The following SIMC1 variants were observed in gnomAD, a reference collection of about 807,000 sequenced individuals.
SIMC1 encodes the protein SUMO-interacting motif-containing protein 1.
SIMC1 carries 55 observed loss-of-function variants against 82.3 expected under a neutral mutation model. The observed-to-expected ratio is 0.67, with a 90% CI of 0.54 to 0.84. The LOEUF is 0.84. Among genes scored for constraint, SIMC1 ranks in the 40% least tolerant of loss-of-function variants. The pLI, the probability that SIMC1 is intolerant of heterozygous loss-of-function variation, is 0.00. For missense variants in SIMC1, 915 were observed against 1,107.2 expected, an observed-to-expected ratio of 0.83 and a Z score of 2.46; for synonymous variants, 353 against 426.3, an observed-to-expected ratio of 0.83 and a Z score of 2.12.
chr5:176,278,997 A>G (rs140351658), intron 1 of SIMC1, among the ~76,000 whole-genome samples: 18,211 of 152,150 alleles, frequency 0.12, 1,136 homozygotes, highest in Admixed American at 0.15. Flanking sequence ...CTCTTTTTCT[A>G]TTGATTGGAA....
intron 1 of SIMC1, among the ~76,000 whole-genome samples, chr5:176,263,964 A>G (rs1265935431): frequency 2.6e-5 from 4 of 152,262 alleles, no homozygotes; most frequent in Admixed American, 6.5e-5. Context: ...AATGGCCAAA[A>G]GAAAGCGGTA....
intron 9 of SIMC1, among the ~76,000 whole-genome samples, chr5:176,341,008 G>A (rs951973103): frequency 5.9e-5 from 9 of 152,264 alleles, no homozygotes; most frequent in Middle Eastern, 3.4e-3. Flanking sequence ...TTAGCCAGGC[G>A]TGGTGGTGGG....
At chr5:176,328,441 G>T (rs1187562303) in intron 7 of SIMC1, among the ~76,000 whole-genome samples, 1 of 151,796 alleles carries the variant, frequency 6.6e-6, no homozygotes, top group African/African-American at 2.4e-5. Flanking sequence ...TGGCAGTGGT[G>T]GTGGTGGTGG....
chr5:176,339,357 C>G (rs983232274), intron 9 of SIMC1, among the ~76,000 whole-genome samples: 1 of 152,024 alleles, frequency 6.6e-6, no homozygotes, highest in African/African-American at 2.4e-5. Context: ...GAGTGAGACT[C>G]TGTCTCAAAA....
rs865979924 is a variant in SIMC1 at position 176,244,719 on chromosome 5, C to T, written c.129+6082C>T. Among the ~76,000 whole-genome samples the T allele has an allele frequency of 2.3e-3, 260 of 114,404 alleles. 1 individual carries two copies. Among genetic ancestry groups the T allele is most frequent in the African/African-American group, 7.2e-3 (220 of 30,566 alleles). 75.1% of individuals were successfully genotyped at this position (114,404 alleles called of 152,430 possible). A position where few individuals can be genotyped will look rare whatever the true frequency, so the allele number is the denominator to read the frequency against. On this transcript the variant is annotated intron_variant, in intron 1 of 9. Transcript: ENST00000429602. The stretch of plus-strand genomic sequence containing the variant: ...GTTATAATGTTTCTTTTTTTTTTTC[C>T]TTTTTTTTTTTTTTTTTTTGAGAGG...
At chr5:176,301,182 A>T (rs1236312657) in intron 4 of SIMC1, among the ~76,000 whole-genome samples, 1 of 152,128 alleles carries the variant, frequency 6.6e-6, no homozygotes, top group Non-Finnish European at 1.5e-5. Flanking sequence ...GTGTTATGGG[A>T]GGGACCTGGT....
At chr5:176,245,628 G>C (rs1041892214) in intron 1 of SIMC1, among the ~76,000 whole-genome samples, 2 of 151,692 alleles carry the variant, frequency 1.3e-5, no homozygotes, top group African/African-American at 2.4e-5. Flanking sequence ...TGATTTCTTA[G>C]TTGTCATGCT....
At chr5:176,334,901 G>T (rs556510850) in intron 7 of SIMC1, among the ~76,000 whole-genome samples, 1 of 152,110 alleles carries the variant, frequency 6.6e-6, no homozygotes, top group East Asian at 1.9e-4. Flanking sequence ...AGACCAGCCT[G>T]GCCAACATGG....
chr5:176,260,522 A>T (rs1761980372), intron 1 of SIMC1, among the ~76,000 whole-genome samples: 1 of 152,048 alleles, frequency 6.6e-6, no homozygotes, highest in Non-Finnish European at 1.5e-5. Flanking sequence ...ATTGATTTTA[A>T]TTTTTTTGAT....
At chr5:176,292,330 A>C (rs539330101) in intron 2 of SIMC1, among the ~76,000 whole-genome samples, 1 of 152,284 alleles carries the variant, frequency 6.6e-6, no homozygotes, top group Non-Finnish European at 1.5e-5. Flanking sequence ...AGTTATGTAC[A>C]TCCCATCCCC....
At chr5:176,281,811 G>A (rs1284665593) in intron 1 of SIMC1, among the ~76,000 whole-genome samples, 6 of 152,138 alleles carry the variant, frequency 3.9e-5, no homozygotes, top group Admixed American at 1.3e-4. Flanking sequence ...AGGAGTACCC[G>A]GCCGTGTGAG....
intron 5 of SIMC1, among the ~76,000 whole-genome samples, chr5:176,317,329 C>T (rs1764959170): frequency 6.6e-6 from 1 of 152,122 alleles, no homozygotes. Context: ...TTGAACTATG[C>T]ATACAAAGAG....
At chr5:176,305,625 G>A (rs1764308059) in intron 4 of SIMC1, among the ~76,000 whole-genome samples, 1 of 138,562 alleles carries the variant, frequency 7.2e-6, no homozygotes, top group Admixed American at 6.9e-5. Context: ...TCTGGGAGGT[G>A]AGGGGCGCCT....
chr5:176,296,638 C>CA (rs1763828012), intron 4 of SIMC1: 1 of 301,360 alleles, frequency 3.3e-6, no homozygotes, highest in South Asian at 5.3e-5. Flanking sequence ...CATTGTACTC[C>CA]AGCCTGGGTG....
chr5:176,272,555 T>C (rs1762490655), intron 1 of SIMC1, among the ~76,000 whole-genome samples: 1 of 152,164 alleles, frequency 6.6e-6, no homozygotes, highest in African/African-American at 2.4e-5. Context: ...CATTTCCAAC[T>C]GAGGTTCATC....
intron 4 of SIMC1, chr5:176,313,198 A>G (rs1764738978): frequency 1.0e-6 from 1 of 984,914 alleles, no homozygotes; most frequent in Non-Finnish European, 1.3e-6. Context: ...AGTAGAGTGG[A>G]CATCATGGCG....
intron 1 of SIMC1, among the ~76,000 whole-genome samples, chr5:176,243,522 T>C (rs1761337026): frequency 6.8e-6 from 1 of 148,032 alleles, no homozygotes; most frequent in Non-Finnish European, 1.5e-5. Flanking sequence ...TTGATTTACT[T>C]TTTTTTTTTT....
rs1766428223 is a variant in SIMC1, at chr5:176,345,561, TAATC to T, written c.*118_*121del. On this transcript the variant is annotated 3_prime_UTR_variant, in exon 10 of 10. Coordinates refer to ENST00000429602, the MANE Select transcript of SIMC1 (RefSeq NM_001308195.2). ...CTTACAGGACCAAACCTGCATTATT[TAATC>T]AGTAGGTTGTAATTTCTAACTCTAG... The T allele has an allele frequency of 8.6e-6, 10 of 1,157,986 alleles. No individual in the cohort carries two copies. The highest frequency in any genetic ancestry group is 9.5e-6 in the Non-Finnish European group (8 of 846,064). The allele number at this position is 1,157,986 out of a possible 1,614,324, so 71.7% of individuals were successfully genotyped here.
chr5:176,308,123 G>A, intron 4 of SIMC1: 1 of 922,782 alleles, frequency 1.1e-6, no homozygotes, highest in Non-Finnish European at 1.8e-6. Context: ...CACTTTCCTT[G>A]TTTGTCTCAA....
Sources: allele counts gnomAD v4.1 joint callset (sites outside exome capture counted in the v4.1 genomes callset), GRCh38; gene constraint gnomAD v4.1.1; transcripts MANE v1.5; gene names NCBI Gene and HGNC (gene_info 2026-07-23, HGNC 2026-07-21).